The following HPCAL1 variants were observed in gnomAD, a reference collection of about 807,000 sequenced individuals.
HPCAL1 encodes the protein hippocalcin like 1, also known as hippocalcin-like protein 1.
A neutral mutation model predicts 17.1 loss-of-function variants in HPCAL1; 8 were observed. The observed-to-expected ratio is 0.47, with a 90% CI of 0.27 to 0.84. The LOEUF is 0.84. HPCAL1 is among the 40% of genes least tolerant of loss of function. The pLI, the probability that HPCAL1 is intolerant of heterozygous loss-of-function variation, is 0.13. For synonymous variants in HPCAL1, 112 were observed against 111.4 expected (o/e 1.01, Z -0.03); for missense variants, 165 against 271.1 (o/e 0.61, Z 2.75).
chr2:10,394,071 T>G lies in HPCAL1; in HGVS notation c.-110-2764T>G, dbSNP rs893005406. Among the ~76,000 whole-genome samples, 3 of 151,904 alleles carry G rather than the reference T, an allele frequency of 2.0e-5. No individual in the cohort carries two copies. The highest frequency in any genetic ancestry group is 3.9e-4 in the East Asian group (2 of 5,192). ...TTGAGGCTGCAGTGAGCTTTGATTG[T>G]GCCACTGCGCTCCAGCCTGGGTGAC... On this transcript the variant is annotated intron_variant, in intron 1 of 4. Coordinates refer to ENST00000307845, the MANE Select transcript of HPCAL1 (RefSeq NM_002149.4). This position sits in a 1 kb window ranked among gnomAD's most constrained non-coding sequence, Gnocchi z 5.0.
At chr2:10,401,863 G>A (rs771920971) in intron 2 of HPCAL1, among the ~76,000 whole-genome samples, 2 of 152,180 alleles carry the variant, frequency 1.3e-5, no homozygotes, top group African/African-American at 2.4e-5. Flanking sequence ...ACCCAAGCCC[G>A]GCGCCAGGCT....
At chr2:10,369,985 C>T (rs1036445474) in intron 1 of HPCAL1, among the ~76,000 whole-genome samples, 3 of 152,216 alleles carry the variant, frequency 2.0e-5, no homozygotes, top group African/African-American at 4.8e-5. Flanking sequence ...AATGTGCAGG[C>T]GCCTACCTGG....
At chr2:10,370,016 G>A (rs1238126064) in intron 1 of HPCAL1, among the ~76,000 whole-genome samples, 2 of 152,214 alleles carry the variant, frequency 1.3e-5, no homozygotes, top group Non-Finnish European at 2.9e-5. Flanking sequence ...TTCAAGAAAT[G>A]TGCTGGGTTA....
At chr2:10,366,091 C>A (rs1326283156) in intron 1 of HPCAL1, among the ~76,000 whole-genome samples, 5 of 152,192 alleles carry the variant, frequency 3.3e-5, no homozygotes, top group African/African-American at 1.2e-4. Context: ...TCCTGGACCG[C>A]CCATTCCCTG....
rs915362547 is a variant in HPCAL1 at position 10,354,581 on chromosome 2, G to A, written c.-110-42254G>A. Among the ~76,000 whole-genome samples the A allele has an allele frequency of 2.6e-5, 4 of 152,254 alleles. No individual in the cohort carries two copies. The highest frequency in any genetic ancestry group is 5.9e-5 in the Non-Finnish European group (4 of 68,048). ...CTCCCAGGGCTCATCGCACAGCCATGGCCGAGGTGTCGGGACTCAAATTCC... is the reference window on the plus strand; with the variant it reads ...CTCCCAGGGCTCATCGCACAGCCATAGCCGAGGTGTCGGGACTCAAATTCC... On this transcript the variant is annotated intron_variant, in intron 1 of 4. Coordinates refer to ENST00000307845, the MANE Select transcript of HPCAL1 (RefSeq NM_002149.4). This position sits in a 1 kb window ranked among gnomAD's most constrained non-coding sequence, Gnocchi z 5.1.
At chr2:10,329,864 G>T (rs1664248253) in intron 1 of HPCAL1, among the ~76,000 whole-genome samples, 1 of 152,250 alleles carries the variant, frequency 6.6e-6, no homozygotes. Context: ...CTCGGCCTCA[G>T]ATTTGCTGCT....
intron 1 of HPCAL1, among the ~76,000 whole-genome samples, chr2:10,322,734 CAGA>C (rs1232360801): frequency 2.6e-5 from 4 of 152,348 alleles, no homozygotes; most frequent in Non-Finnish European, 5.9e-5. Context: ...GACAGTAGAG[CAGA>C]AGAAGACTGG....
In HPCAL1 at chr2:10,394,409, C is replaced by T. The variant is rs900247355; in HGVS notation, c.-110-2426C>T. On this transcript the variant is annotated intron_variant, in intron 1 of 4. Transcript: ENST00000307845. The surrounding 1 kb of genome is among the most constrained non-coding windows in gnomAD (Gnocchi z 5.0). ...TGACCCTGTCCAGGTCTTGATTTCT[C>T]GGAGTGTCAAAGCAGTGCGCACGGA... Among the ~76,000 whole-genome samples the T allele has an allele frequency of 7.9e-5, 12 of 152,090 alleles. No individual in the cohort carries two copies. Among genetic ancestry groups the T allele is most frequent in the African/African-American group, 2.2e-4 (9 of 41,386 alleles).
At chr2:10,421,717 A>G (rs1311582946) in intron 3 of HPCAL1, among the ~76,000 whole-genome samples, 1 of 152,144 alleles carries the variant, frequency 6.6e-6, no homozygotes, top group Non-Finnish European at 1.5e-5. Flanking sequence ...GACCAAAAGC[A>G]AAATAAGAAA....
At chr2:10,399,208 GCACCAC>G (rs113515977) in intron 2 of HPCAL1, among the ~76,000 whole-genome samples, 19 of 5,038 alleles carry the variant, frequency 3.8e-3, no homozygotes, top group East Asian at 0.014. Flanking sequence ...TAATATCACT[GCACCAC>G]CACCACCACC....
intron 1 of HPCAL1, among the ~76,000 whole-genome samples, chr2:10,380,120 G>A (rs1036641233): frequency 5.3e-5 from 8 of 152,346 alleles, no homozygotes; most frequent in Middle Eastern, 3.4e-3. Context: ...TGAGTGTGTT[G>A]TGCAATTGTT....
At position 10,328,511 on chromosome 2, in the gene HPCAL1, C is replaced by A. The variant is rs567529405; in HGVS notation, c.-111+25334C>A. ...CCAGTGTGGGTGGATATCATCCAAT[C>A]ATTGAGAACCCAGCTAGAACAAAAA... On this transcript the variant is annotated intron_variant, in intron 1 of 4. Coordinates refer to ENST00000307845, the MANE Select transcript of HPCAL1 (RefSeq NM_002149.4). Among the ~76,000 whole-genome samples, 4 of 152,322 alleles carry A rather than the reference C, an allele frequency of 2.6e-5. No individual in the cohort carries two copies. The South Asian group carries it at 8.3e-4, about 32-fold the overall frequency.
intron 1 of HPCAL1, among the ~76,000 whole-genome samples, chr2:10,340,757 A>G (rs73161277): frequency 0.2 from 30,476 of 152,054 alleles, 3,695 homozygotes; most frequent in African/African-American, 0.34. Flanking sequence ...TCCAGGCTGC[A>G]GGGCCCCGCA....
In HPCAL1 at chr2:10,363,667, G is replaced by A. The variant is rs143939087; in HGVS notation, c.-110-33168G>A. Among the ~76,000 whole-genome samples, 8 of 152,270 alleles carry A rather than the reference G, an allele frequency of 5.3e-5. No individual in the cohort carries two copies. In the East Asian group the frequency reaches 1.4e-3, roughly 26 times the overall value. ...AGACCTGCTGAAGCCAAATCTTTAG[G>A]GTGGGGCCAGGAATCTGCATTTTAA... On this transcript the variant is annotated intron_variant, in intron 1 of 4. Coordinates refer to ENST00000307845, the MANE Select transcript of HPCAL1 (RefSeq NM_002149.4). The surrounding 1 kb of genome is among the most constrained non-coding windows in gnomAD (Gnocchi z 4.7).
chr2:10,414,107 G>T (rs1670509696), intron 2 of HPCAL1, among the ~76,000 whole-genome samples: 1 of 152,270 alleles, frequency 6.6e-6, no homozygotes. Flanking sequence ...GTTTACTTGT[G>T]GTGAAGCGTG....
intron 1 of HPCAL1, among the ~76,000 whole-genome samples, chr2:10,364,586 CTT>C (rs747134630): frequency 3.6e-4 from 52 of 143,518 alleles, no homozygotes; most frequent in Non-Finnish European, 2.9e-4. Flanking sequence ...CTCCCGCCTC[CTT>C]TTTTTTTTTT....
At chr2:10,356,899 G>A (rs555254288) in intron 1 of HPCAL1, among the ~76,000 whole-genome samples, 2 of 152,280 alleles carry the variant, frequency 1.3e-5, no homozygotes, top group African/African-American at 4.8e-5. Context: ...ACTGTAGAGT[G>A]TTTTAAAATA....
At chr2:10,366,089 C>T (rs1019609486) in intron 1 of HPCAL1, among the ~76,000 whole-genome samples, 8 of 152,134 alleles carry the variant, frequency 5.3e-5, no homozygotes, top group African/African-American at 1.7e-4. Flanking sequence ...CCTCCTGGAC[C>T]GCCCATTCCC....
At chr2:10,366,808 C>T (rs1666882444) in intron 1 of HPCAL1, among the ~76,000 whole-genome samples, 1 of 152,224 alleles carries the variant, frequency 6.6e-6, no homozygotes, top group South Asian at 2.1e-4. Flanking sequence ...GCACCTTGAC[C>T]TCTGGGCCTC....
Sources: allele counts gnomAD v4.1 joint callset (sites outside exome capture counted in the v4.1 genomes callset), GRCh38; gene constraint gnomAD v4.1.1; non-coding constraint Gnocchi (gnomAD v3.1); transcripts MANE v1.5; gene names NCBI Gene and HGNC (gene_info 2026-07-23, HGNC 2026-07-21).